BEAN1: variants seen among roughly 807,000 people sequenced by gnomAD.
The protein encoded by BEAN1 is protein BEAN1.
BEAN1 carries 17 observed loss-of-function variants against 17.7 expected under a neutral mutation model. The ratio of observed to expected loss-of-function variants is 0.96; its 90% CI spans 0.66 to 1.44. The LOEUF (loss-of-function observed/expected upper bound fraction) is 1.44, where lower values mean the gene tolerates loss of function less well. BEAN1 is among the 40% of genes most tolerant of loss of function. The pLI, the probability that BEAN1 is intolerant of heterozygous loss-of-function variation, is 0.00. For synonymous variants in BEAN1, 142 were observed against 151.8 expected, an observed-to-expected ratio of 0.94 and a Z score of 0.47; for missense variants, 359 against 374.1, an observed-to-expected ratio of 0.96 and a Z score of 0.33.
chr16:66,429,852 G>T (rs1435542944), intron 1 of BEAN1, among the ~76,000 whole-genome samples: 1 of 152,168 alleles, frequency 6.6e-6, no homozygotes, highest in African/African-American at 2.4e-5. Context: ...CAGCCAGTGG[G>T]GAATGTGACG....
chr16:66,442,055 C>T (rs1391904687), intron 2 of BEAN1, among the ~76,000 whole-genome samples: 1 of 152,212 alleles, frequency 6.6e-6, no homozygotes, highest in African/African-American at 2.4e-5. Context: ...CAAACCCTGA[C>T]CCAGGGCAGC....
At chr16:66,438,070 A>G (rs1962100893) in intron 2 of BEAN1, 2 of 343,176 alleles carry the variant, frequency 5.8e-6, no homozygotes, top group Admixed American at 8.1e-5. Flanking sequence ...TGCTCCTGCA[A>G]GACTTTCCTG....
intron 2 of BEAN1, among the ~76,000 whole-genome samples, chr16:66,465,840 G>A (rs566419959): frequency 6.6e-6 from 1 of 152,220 alleles, no homozygotes; most frequent in South Asian, 2.1e-4. Context: ...GTATTTCTTG[G>A]AATTTGCACA....
At chr16:66,429,047 CA>C (rs745547438) in intron 1 of BEAN1, among the ~76,000 whole-genome samples, 1 of 152,124 alleles carries the variant, frequency 6.6e-6, no homozygotes, top group Non-Finnish European at 1.5e-5. Flanking sequence ...GGCACCCACC[CA>C]TTGCTCGAGC....
chr16:66,463,652 A>G (rs1567498390), intron 2 of BEAN1, among the ~76,000 whole-genome samples: 1 of 152,022 alleles, frequency 6.6e-6, no homozygotes, highest in Non-Finnish European at 1.5e-5. Context: ...ATGTTTATCT[A>G]TTTTTCTTTT....
chr16:66,484,882 A>G (rs1349572353), downstream of BEAN1: 1 of 453,962 alleles, frequency 2.2e-6, no homozygotes, highest in Admixed American at 2.3e-5. The surrounding 1 kb of genome is among the most constrained non-coding windows in gnomAD (Gnocchi z 4.2). Flanking sequence ...CCCTTTGGAG[A>G]ATGTTCATTC....
rs566337876 is a variant in BEAN1, at chr16:66,436,559, T to G, written c.-82-1036T>G. Among the ~76,000 whole-genome samples, 320 of 150,710 alleles carry G rather than the reference T, an allele frequency of 2.1e-3. 1 individual carries two copies. Among genetic ancestry groups the G allele is most frequent in the South Asian group, 3.6e-3 (17 of 4,740 alleles). On this transcript the variant is annotated intron_variant, in intron 1 of 4. Coordinates refer to ENST00000536005, the MANE Select transcript of BEAN1 (RefSeq NM_001178020.3). ...TCCCAAAGTGCTGGGATTACAGGTG[T>G]GAGCCACTGCATCCAGCCCCTTTTT...
intron 2 of BEAN1, among the ~76,000 whole-genome samples, chr16:66,444,581 A>C (rs1035822135): frequency 3.3e-5 from 5 of 152,194 alleles, no homozygotes; most frequent in African/African-American, 1.2e-4. Context: ...CTGGGGCTTG[A>C]GGACACTGAC....
At chr16:66,462,407 A>G (rs906378411) in intron 2 of BEAN1, among the ~76,000 whole-genome samples, 11 of 152,238 alleles carry the variant, frequency 7.2e-5, no homozygotes, top group African/African-American at 1.2e-4. Context: ...CACAGAGCCA[A>G]CTAAGTTTTC....
intron 4 of BEAN1, among the ~76,000 whole-genome samples, chr16:66,489,747 G>A (rs1666460375): frequency 1.3e-5 from 2 of 152,218 alleles, no homozygotes; most frequent in South Asian, 4.1e-4. Flanking sequence ...CAGAGGCAGA[G>A]GCTGGAGGGA....
intron 1 of BEAN1, 78 bp from the exon 2 acceptor site, chr16:66,437,517 G>T: frequency 1.2e-6 from 1 of 811,910 alleles, no homozygotes; most frequent in South Asian, 1.8e-5. Context: ...GACAGCTCAG[G>T]AGATGTGAGC....
rs1961619956 is a variant in BEAN1 at position 66,427,437 on chromosome 16, G to C, written c.-83+6G>C. Reference sequence around the variant, plus strand: ...GAGCGCTGCAGCCAAGCCGAGTAAGGGGCGTGGGGCTGGGCGGCGCGGGGG... The same window carrying C: ...GAGCGCTGCAGCCAAGCCGAGTAAGCGGCGTGGGGCTGGGCGGCGCGGGGG... On this transcript the variant is annotated splice_donor_region_variant and intron_variant, in intron 1 of 4. Coordinates refer to ENST00000536005, the MANE Select transcript of BEAN1 (RefSeq NM_001178020.3). The surrounding 1 kb of genome is among the most constrained non-coding windows in gnomAD (Gnocchi z 4.7). 1 of 151,294 alleles carries C rather than the reference G, an allele frequency of 6.6e-6. No homozygotes were observed. Among genetic ancestry groups the C allele is most frequent in the East Asian group, 2.0e-4 (1 of 5,112 alleles). The allele number at this position is 151,294 out of a possible 1,614,324, so 9.4% of individuals were successfully genotyped here. A position where few individuals can be genotyped will look rare whatever the true frequency, so the allele number is the denominator to read the frequency against.
chr16:66,469,931 C>T, intron 3 of BEAN1, 66 bp downstream of exon 3: 1 of 1,499,166 alleles, frequency 6.7e-7, no homozygotes, highest in Non-Finnish European at 8.9e-7. Context: ...CAGGAGGCAT[C>T]AAGGAGTTGG....
chr16:66,448,778 G>A (rs757466915), intron 2 of BEAN1, among the ~76,000 whole-genome samples: 1 of 152,196 alleles, frequency 6.6e-6, no homozygotes, highest in Admixed American at 6.5e-5. Flanking sequence ...AGCCGAGATC[G>A]TGCCACTGCA....
At chr16:66,475,503 C>T (rs1382720830) in intron 3 of BEAN1, 2 of 152,286 alleles carry the variant, frequency 1.3e-5, no homozygotes, top group African/African-American at 4.8e-5. Context: ...GTGGAACCCT[C>T]CCTGAACCCA....
intron 1 of BEAN1, among the ~76,000 whole-genome samples, chr16:66,436,844 T>TG (rs1962043901): frequency 6.6e-6 from 1 of 152,112 alleles, no homozygotes; most frequent in African/African-American, 2.4e-5. Flanking sequence ...AGGTTCATAC[T>TG]GGGGGGCGGG....
At chr16:66,460,317 T>C (rs1342277742) in intron 2 of BEAN1, among the ~76,000 whole-genome samples, 1 of 152,228 alleles carries the variant, frequency 6.6e-6, no homozygotes, top group African/African-American at 2.4e-5. Flanking sequence ...GAAGATTAAA[T>C]GAGAGAAGCA....
chr16:66,438,746 A>C (rs1476938298), intron 2 of BEAN1, among the ~76,000 whole-genome samples: 1 of 151,806 alleles, frequency 6.6e-6, no homozygotes, highest in African/African-American at 2.4e-5. Context: ...CCCTTGCCCC[A>C]GGGCCCCTTT....
chr16:66,477,664 G>T lies in BEAN1; in HGVS notation c.394G>T (p.Val132Leu), dbSNP rs892305403. The change falls in exon 4 of 5, where the codon GTG becomes TTG. Residue 132 changes from valine (V) to leucine (L), a missense_variant. Transcript: ENST00000536005. ...CTTGGACATCAGCTCTGACGGGGAC[G>T]TGGATGCCACGGTGCTCAGGGAGCT... ...PPLDISSDGD[V>L]DATVLRELYP... The T allele has an allele frequency of 1.3e-6, 2 of 1,550,514 alleles. No homozygotes were observed. The highest frequency in any genetic ancestry group is 2.7e-5 in the African/African-American group (2 of 73,008).
Sources: gnomAD v4.1 joint callset for allele counts (sites outside exome capture counted in the v4.1 genomes callset) on GRCh38, gnomAD v4.1.1 for gene constraint, Gnocchi (gnomAD v3.1) non-coding constraint, MANE v1.5 for transcripts, NCBI Gene and HGNC (gene_info 2026-07-23, HGNC 2026-07-21) for gene names.